Variants in SPIDR observed in about 807,000 individuals in gnomAD.
The protein encoded by SPIDR is scaffold protein involved in DNA repair, also known as DNA repair-scaffolding protein.
A neutral mutation model predicts 104.6 loss-of-function variants in SPIDR; 93 were observed. The ratio of observed to expected loss-of-function variants is 0.89; its 90% CI spans 0.75 to 1.06. The LOEUF (loss-of-function observed/expected upper bound fraction) is 1.06, where lower values mean the gene tolerates loss of function less well. Ranked by LOEUF, SPIDR falls within the 50% of genes least tolerant of loss-of-function variation. The probability of loss-of-function intolerance (pLI) is 0.00; values close to 1 mark genes in which losing one functional copy is unlikely to be tolerated. For missense variants in SPIDR, 1,154 were observed against 1,111.2 expected (o/e 1.04, Z -0.55); for synonymous variants, 431 against 416.9 (o/e 1.03, Z -0.41).
chr8:47,673,697 T>C, intron 10 of SPIDR, 104 bp from the exon 11 acceptor site: 1 of 1,448,020 alleles, frequency 6.9e-7, no homozygotes, highest in Non-Finnish European at 9.6e-7. Flanking sequence ...TATTGACCAG[T>C]CACAGCAGTA....
At chr8:47,391,995 C>CAAAAA (rs556134389) in intron 5 of SPIDR, among the ~76,000 whole-genome samples, 1 of 46,438 alleles carries the variant, frequency 2.2e-5, no homozygotes, top group Non-Finnish European at 5.1e-5. Context: ...GACTCCGTCT[C>CAAAAA]AAAAAAAAAA....
At chr8:47,442,360 A>G (rs1009153705) in intron 8 of SPIDR, among the ~76,000 whole-genome samples, 4 of 152,162 alleles carry the variant, frequency 2.6e-5, no homozygotes, top group Non-Finnish European at 5.9e-5. Flanking sequence ...TACACAATCT[A>G]TATGTAAGTT....
rs749801596 is a variant in SPIDR at position 47,712,690 on chromosome 8, G to A, written c.2006G>A (p.Arg669Lys). The A allele has an allele frequency of 6.2e-7, 1 of 1,614,130 alleles. No homozygotes were observed. Among genetic ancestry groups the A allele is most frequent in the Non-Finnish European group, 8.5e-7 (1 of 1,180,006 alleles). Residue 669 changes from arginine to lysine, a missense_variant, in exon 15 of 20, where the codon AGG becomes AAG. By Grantham distance (26) the Arg-to-Lys change is conservative. Coordinates refer to ENST00000297423, the MANE Select transcript of SPIDR (RefSeq NM_001080394.4). ...QLKSLLLLEQ[R>K]EIWLLVTDVT... ...AAGAGTCTGCTGCTTCTGGAGCAAA[G>A]GGAGATCTGGCTGCTAGTGACCGAT...
intron 5 of SPIDR, among the ~76,000 whole-genome samples, chr8:47,357,308 C>A (rs2054747859): frequency 6.6e-6 from 1 of 152,132 alleles, no homozygotes; most frequent in South Asian, 2.1e-4. Flanking sequence ...GAAAATCATT[C>A]CACCTGGTTC....
At chr8:47,383,871 T>G (rs1384209971) in intron 5 of SPIDR, among the ~76,000 whole-genome samples, 2 of 152,222 alleles carry the variant, frequency 1.3e-5, no homozygotes, top group African/African-American at 2.4e-5. Context: ...TTATTTGCTT[T>G]TATCTTTTTG....
chr8:47,474,520 G>A (rs531046892), intron 8 of SPIDR, among the ~76,000 whole-genome samples: 1 of 152,306 alleles, frequency 6.6e-6, no homozygotes, highest in East Asian at 1.9e-4. Flanking sequence ...TCTGGTGGGA[G>A]TGACGGGCAG....
intron 8 of SPIDR, among the ~76,000 whole-genome samples, chr8:47,464,608 C>T (rs1427088267): frequency 1.3e-5 from 2 of 152,100 alleles, no homozygotes; most frequent in Non-Finnish European, 2.9e-5. Flanking sequence ...CCTGCTCTCA[C>T]CACAAGCCTC....
chr8:47,396,556 CAT>C lies in SPIDR; in HGVS notation c.708_709del (p.Pro238SerfsTer6). 6.2e-7 allele frequency: 1 copy of C among 1,614,118 alleles called. No individual in the cohort carries two copies. Among genetic ancestry groups the C allele is most frequent in the Non-Finnish European group, 8.5e-7 (1 of 1,179,992 alleles). On this transcript the variant is annotated frameshift_variant, in exon 6 of 20. Transcript: ENST00000297423. LOFTEE classifies it high-confidence loss of function. ...GACAAAATCAACAGAGACCATTTTG[CAT>C]ACACCTCAGAAACCCACAGCTAAGT... Reference protein sequence around the residue: ...PRTKSTETILHTPQKPTAKFP... With the variant: ...PRTKSTETILXTPQKPTAKFP...
chr8:47,264,462 C>G (rs982436696), intron 1 of SPIDR, among the ~76,000 whole-genome samples: 3 of 151,992 alleles, frequency 2.0e-5, no homozygotes, highest in Admixed American at 1.3e-4. Flanking sequence ...TATCTTAGTT[C>G]TTTCCTCACT....
intron 8 of SPIDR, among the ~76,000 whole-genome samples, chr8:47,491,400 G>A (rs2078682860): frequency 6.6e-6 from 1 of 151,800 alleles, no homozygotes; most frequent in Non-Finnish European, 1.5e-5. Context: ...GAATTAAACG[G>A]CCATGATATC....
At chr8:47,693,516 T>C (rs2154480234) in intron 11 of SPIDR, among the ~76,000 whole-genome samples, 1 of 152,320 alleles carries the variant, frequency 6.6e-6, no homozygotes, top group Admixed American at 6.5e-5. Flanking sequence ...CTGCCGGCCC[T>C]GCTAGCTAGT....
At chr8:47,562,024 G>A (rs1267544156) in intron 8 of SPIDR, among the ~76,000 whole-genome samples, 1 of 152,088 alleles carries the variant, frequency 6.6e-6, no homozygotes, top group Non-Finnish European at 1.5e-5. Context: ...TTTTTATAAT[G>A]TTCACTTCTT....
At chr8:47,284,817 A>G (rs2038503035) in intron 3 of SPIDR, among the ~76,000 whole-genome samples, 1 of 152,184 alleles carries the variant, frequency 6.6e-6, no homozygotes, top group Non-Finnish European at 1.5e-5. Context: ...CACTAAAGAT[A>G]CTTTAGTGAA....
chr8:47,735,527 T>TA lies in SPIDR; in HGVS notation c.*77_*78insA. 6.2e-7 allele frequency: 1 copy of TA among 1,605,490 alleles called. No individual in the cohort carries two copies. The highest frequency in any genetic ancestry group is 1.1e-5 in the South Asian group (1 of 90,478). ...GGTGGTGGTGATTTGGGGTAGTTAT[T>TA]TGTTAACTATGGACACAGTGAACGT... On this transcript the variant is annotated 3_prime_UTR_variant, in exon 20 of 20. Transcript: ENST00000297423.
At chr8:47,504,859 C>A (rs1311255866) in intron 8 of SPIDR, among the ~76,000 whole-genome samples, 1 of 152,190 alleles carries the variant, frequency 6.6e-6, no homozygotes, top group Non-Finnish European at 1.5e-5. Context: ...CAGTCAGGAC[C>A]CTCAGCTGCA....
intron 8 of SPIDR, among the ~76,000 whole-genome samples, chr8:47,448,097 A>G (rs939957083): frequency 4.6e-5 from 7 of 152,138 alleles, no homozygotes; most frequent in Admixed American, 6.5e-5. Flanking sequence ...GTATTTATTT[A>G]CTGGTGACAG....
At chr8:47,277,335 GTTATGTT>G in intron 1 of SPIDR, among the ~76,000 whole-genome samples, 1 of 143,734 alleles carries the variant, frequency 7.0e-6, no homozygotes, top group Non-Finnish European at 1.5e-5. Context: ...GTTATGTTAT[GTTATGTT>G]ATGTTATGTT....
At chr8:47,572,840 C>G (rs1317855023) in intron 8 of SPIDR, among the ~76,000 whole-genome samples, 1 of 152,154 alleles carries the variant, frequency 6.6e-6, no homozygotes, top group African/African-American at 2.4e-5. Flanking sequence ...CTCTCCCACA[C>G]ATTGACACAG....
intron 5 of SPIDR, among the ~76,000 whole-genome samples, chr8:47,367,229 A>G (rs1016128293): frequency 6.6e-6 from 1 of 152,188 alleles, no homozygotes; most frequent in Non-Finnish European, 1.5e-5. Flanking sequence ...ATGCAGCAGT[A>G]TCCAGGAGCC....
Sources: allele counts gnomAD v4.1 joint callset (sites outside exome capture counted in the v4.1 genomes callset), GRCh38; gene constraint gnomAD v4.1.1; transcripts MANE v1.5; gene names NCBI Gene and HGNC (gene_info 2026-07-23, HGNC 2026-07-21).